The following GLI3 variants were observed in gnomAD, a reference collection of about 807,000 sequenced individuals.
GLI3 encodes transcription activator GLI3.
Under a neutral mutation model 100.8 loss-of-function variants are expected in GLI3, and 20 were observed. The ratio of observed to expected loss-of-function variants is 0.20; its 90% confidence interval spans 0.14 to 0.29. GLI3 has a LOEUF of 0.29. GLI3 is among the 10% of genes least tolerant of loss of function. The pLI is 1.00. For synonymous variants in GLI3, 938 were observed against 860.5 expected (o/e 1.09, Z -1.58); for missense variants, 2,040 against 2,128.5 (o/e 0.96, Z 0.82).
intron 4 of GLI3, among the ~76,000 whole-genome samples, chr7:42,062,862 A>G (rs373815641): frequency 6.6e-6 from 1 of 152,152 alleles, no homozygotes; most frequent in East Asian, 1.9e-4. Context: ...GCAGAAAGAT[A>G]TAATAAAAAG....
At chr7:42,052,959 AT>A (rs1316473889) in intron 4 of GLI3, among the ~76,000 whole-genome samples, 3 of 152,186 alleles carry the variant, frequency 2.0e-5, no homozygotes, top group Non-Finnish European at 4.4e-5. Context: ...CCATCTTCAA[AT>A]TCTTGGCAGC....
rs76773719 is a variant in GLI3, at chr7:42,131,205, A to G, written c.367+17021T>C. 3.7e-4 allele frequency among the ~76,000 whole-genome samples: 56 copies of G among 152,340 alleles called. No homozygotes were observed. The East Asian group carries it at 9.7e-3, about 26-fold the overall frequency. On this transcript the variant is annotated intron_variant, in intron 3 of 14. Transcript: ENST00000395925. ...CAGTGGTTCCAATCCAGAAGATCAC[A>G]AAGGGATGTCTAGAGATTCCTCGTT...
chr7:42,222,104 G>A (rs1343553417), intron 2 of GLI3, among the ~76,000 whole-genome samples: 4 of 152,194 alleles, frequency 2.6e-5, no homozygotes, highest in Admixed American at 2.0e-4. Context: ...TGGCCAGGCT[G>A]CTTGGAAGTA....
chr7:42,128,869 A>G (rs1786200878), intron 3 of GLI3, among the ~76,000 whole-genome samples: 1 of 152,214 alleles, frequency 6.6e-6, no homozygotes, highest in Non-Finnish European at 1.5e-5. Flanking sequence ...GAGATGAGGA[A>G]GCCAGTCCAG....
At chr7:42,170,266 T>TA (rs1491326470) in intron 2 of GLI3, among the ~76,000 whole-genome samples, 4 of 137,686 alleles carry the variant, frequency 2.9e-5, no homozygotes, top group Non-Finnish European at 6.2e-5. Flanking sequence ...AAAAAAAAAA[T>TA]TATATATATA....
chr7:42,179,827 G>A (rs1323945624), intron 2 of GLI3, among the ~76,000 whole-genome samples: 1 of 152,142 alleles, frequency 6.6e-6, no homozygotes, highest in Non-Finnish European at 1.5e-5. Context: ...CATCACCTGG[G>A]CTAGAAAAGG....
rs922828682 is a variant in GLI3, at chr7:42,248,784, A to C, written c.-43+15210T>G. Among the ~76,000 whole-genome samples, 7 of 151,758 alleles carry C rather than the reference A, an allele frequency of 4.6e-5. No homozygotes were observed. In the East Asian group the frequency reaches 1.4e-3, roughly 29 times the overall value. On this transcript the variant is annotated intron_variant, in intron 1 of 2. Transcript: ENST00000678978. ...ATCCTCTTTTATTTTTTTATTTATT[A>C]TTTTTATTCATTTATTTTTTTTGAG...
chr7:42,174,020 G>A (rs1305074382), intron 2 of GLI3, among the ~76,000 whole-genome samples: 1 of 152,032 alleles, frequency 6.6e-6, no homozygotes, highest in Non-Finnish European at 1.5e-5. Flanking sequence ...AAAGGCAAAT[G>A]GAAAGCAGAT....
chr7:42,103,348 AG>A (rs1785507205), intron 3 of GLI3, among the ~76,000 whole-genome samples: 1 of 152,204 alleles, frequency 6.6e-6, no homozygotes, highest in African/African-American at 2.4e-5. Context: ...TGAGGGCAGG[AG>A]TATCAAAAAC....
At chr7:41,998,890 C>G (rs1788206361) in intron 10 of GLI3, among the ~76,000 whole-genome samples, 1 of 152,200 alleles carries the variant, frequency 6.6e-6, no homozygotes, top group Non-Finnish European at 1.5e-5. Context: ...TCACCCCAAC[C>G]TACTTCAATG....
intron 3 of GLI3, among the ~76,000 whole-genome samples, chr7:42,132,185 C>T (rs59543969): frequency 0.099 from 14,991 of 151,866 alleles, 1,909 homozygotes; most frequent in African/African-American, 0.3. Flanking sequence ...ACTGCAAGCT[C>T]CGCCTCCTGG....
intron 3 of GLI3, among the ~76,000 whole-genome samples, chr7:42,108,368 T>TA (rs1464999445): frequency 1.3e-5 from 2 of 152,162 alleles, no homozygotes; most frequent in Admixed American, 1.3e-4. Flanking sequence ...ATCTTCAGAT[T>TA]AGACTAGAAA....
At chr7:42,140,609 G>A (rs1003877) in intron 3 of GLI3, among the ~76,000 whole-genome samples, 97,424 of 152,030 alleles carry the variant, frequency 0.64, 33,771 homozygotes, top group Admixed American at 0.78. Flanking sequence ...CAGAAGACAG[G>A]GAGAAGAGAG....
intron 3 of GLI3, among the ~76,000 whole-genome samples, chr7:42,133,996 G>C (rs986893330): frequency 1.4e-4 from 21 of 151,890 alleles, no homozygotes; most frequent in African/African-American, 4.8e-4. Flanking sequence ...CAAAAGAATT[G>C]GTTGAACTTG....
rs367793227 is a variant in GLI3 at position 41,972,622 on chromosome 7, T to C, written c.1818A>G (p.Pro606=). The C allele has an allele frequency of 5.6e-6, 9 of 1,603,346 alleles. No individual in the cohort carries two copies. The highest frequency in any genetic ancestry group is 1.6e-4 in the Middle Eastern group (1 of 6,062). ...TGCAGCCTGGGATTTTGCACACATA[T>C]GGTTTCTGCCAAATCCCACAAGAAC... ...HQNRTHSNEK[P]YVCKIPGCTK... is the part of the protein sequence containing the mutation. The change falls in exon 13 of 15, where the codon CCA becomes CCG. Residue 606 remains proline, a synonymous_variant. Coordinates refer to ENST00000395925, the MANE Select transcript of GLI3 (RefSeq NM_000168.6). The surrounding 1 kb of genome is among the most constrained non-coding windows in gnomAD (Gnocchi z 4.4).
chr7:42,049,390 T>C (rs1784308554), intron 4 of GLI3, among the ~76,000 whole-genome samples: 1 of 152,206 alleles, frequency 6.6e-6, no homozygotes, highest in Non-Finnish European at 1.5e-5. Context: ...ACTCCTCCCC[T>C]TTGTGCAGCA....
intron 2 of GLI3, among the ~76,000 whole-genome samples, chr7:42,168,956 T>C (rs1787304193): frequency 6.6e-6 from 1 of 152,110 alleles, no homozygotes; most frequent in African/African-American, 2.4e-5. Context: ...ATAAAATACA[T>C]GCTGTTAGGT....
At chr7:42,194,947 A>G (rs573868217) in intron 2 of GLI3, among the ~76,000 whole-genome samples, 1 of 151,830 alleles carries the variant, frequency 6.6e-6, no homozygotes, top group South Asian at 2.1e-4. Flanking sequence ...TTTTATTTTT[A>G]GTAGAGACAG....
At chr7:42,151,700 A>C (rs995075625) in intron 2 of GLI3, 3 of 152,234 alleles carry the variant, frequency 2.0e-5, no homozygotes, top group African/African-American at 7.2e-5. Context: ...TCTTTCAGGA[A>C]AAAATGACTT....
Sources: allele counts gnomAD v4.1 joint callset (sites outside exome capture counted in the v4.1 genomes callset), GRCh38; gene constraint gnomAD v4.1.1; non-coding constraint Gnocchi (gnomAD v3.1); transcripts MANE v1.5; gene names NCBI Gene and HGNC (gene_info 2026-07-23, HGNC 2026-07-21).